Variants in HS3ST1 observed in about 807,000 individuals in gnomAD.
The protein encoded by HS3ST1 is heparan sulfate glucosamine 3-O-sulfotransferase 1.
In HS3ST1, 8 loss-of-function variants were observed where a neutral mutation model predicts 20.7. That is an observed-to-expected ratio of 0.39 (90% CI 0.23 to 0.70). HS3ST1 has a LOEUF of 0.70. Among genes scored for constraint, HS3ST1 ranks in the 30% least tolerant of loss-of-function variants. HS3ST1 has a pLI of 0.46. For synonymous variants in HS3ST1, 205 were observed against 190.4 expected (o/e 1.08, Z -0.63); for missense variants, 436 against 423.4 (o/e 1.03, Z -0.26).
chr4:11,402,373 A>C (rs1479186805), intron 1 of HS3ST1, among the ~76,000 whole-genome samples: 1 of 152,240 alleles, frequency 6.6e-6, no homozygotes, highest in Admixed American at 6.5e-5. Flanking sequence ...GGTTGGTTCT[A>C]CCGATTGGTG....
chr4:11,412,962 G>C (rs1023172241), intron 1 of HS3ST1, among the ~76,000 whole-genome samples: 1 of 152,152 alleles, frequency 6.6e-6, no homozygotes, highest in Non-Finnish European at 1.5e-5. Context: ...CTTCTAAGAA[G>C]AGGCCAGAAA....
chr4:11,401,386 T>G (rs1317760828), intron 1 of HS3ST1, among the ~76,000 whole-genome samples: 2 of 150,448 alleles, frequency 1.3e-5, no homozygotes, highest in African/African-American at 4.9e-5. Context: ...CTCTTGTTGC[T>G]CAGGCTGGAG....
At chr4:11,422,914 T>C (rs1176081430) in intron 1 of HS3ST1, among the ~76,000 whole-genome samples, 1 of 146,790 alleles carries the variant, frequency 6.8e-6, no homozygotes. Flanking sequence ...TAAAAGGTGC[T>C]CAGGAGGCTG....
intron 1 of HS3ST1, among the ~76,000 whole-genome samples, chr4:11,421,616 C>T (rs1343608314): frequency 1.3e-5 from 2 of 152,214 alleles, no homozygotes; most frequent in African/African-American, 4.8e-5. Context: ...ATAAAACAAC[C>T]TACCACAGGG....
intron 1 of HS3ST1, among the ~76,000 whole-genome samples, chr4:11,427,912 C>T (rs1719102698): frequency 6.6e-6 from 1 of 152,216 alleles, no homozygotes; most frequent in South Asian, 2.1e-4. Flanking sequence ...CCGTCCGCCC[C>T]CTGGCTGGTA....
intron 1 of HS3ST1, among the ~76,000 whole-genome samples, chr4:11,427,556 G>T (rs1302988465): frequency 6.6e-6 from 1 of 152,210 alleles, no homozygotes; most frequent in East Asian, 1.9e-4. Flanking sequence ...GATAAAAATA[G>T]CTCATGATAA....
At chr4:11,423,470 T>G (rs1718987612) in intron 1 of HS3ST1, among the ~76,000 whole-genome samples, 1 of 152,254 alleles carries the variant, frequency 6.6e-6, no homozygotes, top group Admixed American at 6.5e-5. Flanking sequence ...AGTATCCTGA[T>G]ATTTCCTATC....
Position 11,403,710 on chromosome 4 carries a change from A to T in HS3ST1, c.-108-3597T>A, listed in dbSNP as rs143800352. Among the ~76,000 whole-genome samples, 841 of 152,310 alleles carry T rather than the reference A, an allele frequency of 5.5e-3. 4 individuals carry two copies. The highest frequency in any genetic ancestry group is 0.019 in the African/African-American group (805 of 41,554). The stretch of plus-strand genomic sequence containing the variant: ...CAACTTCCAGTGTCAGCTGACACAC[A>T]GGGTATGTGTAGTACAGGGTCAAAC... On this transcript the variant is annotated intron_variant, in intron 1 of 1. Coordinates refer to ENST00000002596, the MANE Select transcript of HS3ST1 (RefSeq NM_005114.4).
chr4:11,399,805 C>G lies in HS3ST1; in HGVS notation c.201G>C (p.Thr67=), dbSNP rs148222581. ...GGCTGAGCATCTCCAGCAGTGCGCG[C>G]GTGCCGCCCTTGCGCACGCCGATGA... The part of the protein sequence containing the change: ...TIIIGVRKGG[T]RALLEMLSLH... Residue 67 remains threonine (T), a synonymous_variant, in exon 2 of 2, where the codon ACG becomes ACC. Coordinates refer to ENST00000002596, the MANE Select transcript of HS3ST1 (RefSeq NM_005114.4). The surrounding 1 kb of genome is among the most constrained non-coding windows in gnomAD (Gnocchi z 5.1). The G allele has an allele frequency of 3.1e-6, 5 of 1,613,022 alleles. No individual in the cohort carries two copies. Among genetic ancestry groups the G allele is most frequent in the Non-Finnish European group, 4.2e-6 (5 of 1,179,822 alleles).
chr4:11,400,301 G>A (rs1377945944), intron 1 of HS3ST1, among the ~76,000 whole-genome samples, 188 bp from the exon 2 acceptor site: 1 of 151,998 alleles, frequency 6.6e-6, no homozygotes, highest in East Asian at 1.9e-4. Context: ...TAGGCTTTAG[G>A]GGACATACTT....
chr4:11,398,691 G>GT lies in HS3ST1; in HGVS notation c.*390dup, dbSNP rs937634604. The GT allele has an allele frequency of 3.8e-5, 6 of 157,158 alleles. No homozygotes were observed. Among genetic ancestry groups the GT allele is most frequent in the Non-Finnish European group, 5.6e-5 (4 of 71,822 alleles). 9.7% of individuals were successfully genotyped at this position (157,158 alleles called of 1,614,324 possible). ...GGATTGTAATAGCCATGAAAAACAT[G>GT]TTTTTTTAAGTAACAAAAGAATTTA... On this transcript the variant is annotated 3_prime_UTR_variant, in exon 2 of 2. Transcript: ENST00000002596.
chr4:11,421,921 G>A (rs1488513614), intron 1 of HS3ST1, among the ~76,000 whole-genome samples: 1 of 152,190 alleles, frequency 6.6e-6, no homozygotes, highest in East Asian at 1.9e-4. Context: ...TCCTTAAATA[G>A]CAAATGAAGA....
chr4:11,400,362 GACA>G (rs1718290571), intron 1 of HS3ST1, among the ~76,000 whole-genome samples: 1 of 152,194 alleles, frequency 6.6e-6, no homozygotes, highest in Non-Finnish European at 1.5e-5. Context: ...TGCAGCCATA[GACA>G]ACACACAAGG....
intron 1 of HS3ST1, among the ~76,000 whole-genome samples, chr4:11,406,467 G>A (rs1236334763): frequency 6.6e-6 from 1 of 152,154 alleles, no homozygotes; most frequent in African/African-American, 2.4e-5. Context: ...ACGGCACAGT[G>A]TCTGGCACAC....
upstream of HS3ST1, among the ~76,000 whole-genome samples, chr4:11,432,602 A>G (rs115574110): frequency 0.016 from 2,474 of 152,352 alleles, 57 homozygotes; most frequent in African/African-American, 0.057. Context: ...CCACAGAGCC[A>G]GTTGGGTAGA....
In HS3ST1 at chr4:11,399,531, G is replaced by T; in HGVS notation, c.475C>A (p.Gln159Lys). The T allele has an allele frequency of 6.2e-7, 1 of 1,613,972 alleles. No homozygotes were observed. The highest frequency in any genetic ancestry group is 8.5e-7 in the Non-Finnish European group (1 of 1,180,036). ...PSERVLSDYT[Q>K]VFYNHMQKHK... is the part of the protein sequence containing the mutation. ...TTCTGCATGTGGTTGTAGAACACTT[G>T]GGTGTAGTCAGATAGCACGCGCTCC... The change falls in exon 2 of 2, where the codon CAA becomes AAA. Residue 159 changes from glutamine to lysine, a missense_variant. Transcript: ENST00000002596. The surrounding 1 kb of genome is among the most constrained non-coding windows in gnomAD (Gnocchi z 5.1).
chr4:11,416,749 T>C (rs1375112994), intron 1 of HS3ST1, among the ~76,000 whole-genome samples: 1 of 152,216 alleles, frequency 6.6e-6, no homozygotes, highest in Non-Finnish European at 1.5e-5. Context: ...CAGTTCCCCT[T>C]GCTTTTGCAT....
At chr4:11,418,446 C>A (rs1037127875) in intron 1 of HS3ST1, among the ~76,000 whole-genome samples, 1 of 152,114 alleles carries the variant, frequency 6.6e-6, no homozygotes, top group Non-Finnish European at 1.5e-5. Flanking sequence ...ACAGATAAGG[C>A]GACAAAGGTT....
At position 11,399,222 on chromosome 4, in the gene HS3ST1, G is replaced by C; in HGVS notation, c.784C>G (p.Arg262Gly). 3 of 1,614,176 alleles carry C rather than the reference G, an allele frequency of 1.9e-6. No individual in the cohort carries two copies. Among genetic ancestry groups the C allele is most frequent in the Non-Finnish European group, 2.5e-6 (3 of 1,180,038 alleles). Reference protein sequence around the residue: ...KGFYCLRDSGRDRCLHESKGR... With the variant: ...KGFYCLRDSGGDRCLHESKGR... ...TTGGACTCATGTAAGCAGCGGTCCC[G>C]GCCGCTGTCCCGCAGGCAGTAAAAG... Residue 262 changes from arginine (R) to glycine (G), a missense_variant, in exon 2 of 2, where the codon CGG becomes GGG. Arg to Gly is a moderately radical substitution (Grantham distance 125). Coordinates refer to ENST00000002596, the MANE Select transcript of HS3ST1 (RefSeq NM_005114.4). This position sits in a 1 kb window ranked among gnomAD's most constrained non-coding sequence, Gnocchi z 5.1.
Sources: allele counts gnomAD v4.1 joint callset (sites outside exome capture counted in the v4.1 genomes callset), GRCh38; gene constraint gnomAD v4.1.1; non-coding constraint Gnocchi (gnomAD v3.1); transcripts MANE v1.5; gene names NCBI Gene and HGNC (gene_info 2026-07-23, HGNC 2026-07-21).